PILRA: variants seen among roughly 807,000 people sequenced by gnomAD.
PILRA encodes paired immunoglobin like type 2 receptor alpha.
In PILRA, 37 loss-of-function variants were observed where a neutral mutation model predicts 33.1. The observed-to-expected ratio is 1.12, with a 90% confidence interval of 0.86 to 1.47. PILRA has a LOEUF of 1.47. Ranked by LOEUF, PILRA falls within the 40% of genes most tolerant of loss-of-function variation. The pLI, the probability that PILRA is intolerant of heterozygous loss-of-function variation, is 0.00. For missense variants in PILRA, 312 were observed against 376.2 expected, an observed-to-expected ratio of 0.83 and a Z score of 1.41; for synonymous variants, 146 against 149.9, an observed-to-expected ratio of 0.97 and a Z score of 0.19.
chr7:100,399,646 AGAGAAGCCTG>A (rs1394436025), intron 6 of PILRA, 34 bp downstream of exon 6: 2 of 1,613,908 alleles, frequency 1.2e-6, no homozygotes, highest in Middle Eastern at 1.7e-4. Flanking sequence ...AAGGAATTAA[AGAGAAGCCTG>A]GAGAAGGTGG....
At chr7:100,374,860 C>T (rs970225428) in intron 2 of PILRA, 1 of 249,568 alleles carries the variant, frequency 4.0e-6, no homozygotes, top group South Asian at 4.5e-5. Flanking sequence ...AGGGTGGGCC[C>T]CATACCTTGC....
chr7:100,374,367 G>T lies in PILRA; in HGVS notation c.388G>T (p.Asp130Tyr), dbSNP rs1790896649. Residue 130 changes from aspartate to tyrosine, a missense_variant, in exon 2 of 7, where the codon GAC (aspartate) becomes TAC (tyrosine). Physicochemically the swap from Asp to Tyr is radical, Grantham distance 160. Coordinates refer to ENST00000198536, the MANE Select transcript of PILRA (RefSeq NM_013439.3). ...TGTGTATTTCTGCCGAGTTGAGCTG[G>T]ACACACGGAGCTCAGGGAGGCAGCA... ...QSVYFCRVEL[D>Y]TRSSGRQQWQ... 6.2e-7 allele frequency: 1 copy of T among 1,613,938 alleles called. No homozygotes were observed. The highest frequency in any genetic ancestry group is 1.3e-5 in the African/African-American group (1 of 74,872).
rs561083704 is a variant in PILRA, at chr7:100,374,174, C to G, written c.195C>G (p.Pro65=). The G allele has an allele frequency of 1.9e-6, 3 of 1,613,998 alleles. No homozygotes were observed. The East Asian group carries it at 6.7e-5, about 36-fold the overall frequency. ...ACCCCTGGGAGTTAGCCACAGCTCC[C>G]GACGTGAGAATATCCTGGAGACGGG... ...FYYPWELATA[P]DVRISWRRGH... The change falls in exon 2 of 7, where the codon CCC becomes CCG. Residue 65 remains proline, a synonymous_variant. Coordinates refer to ENST00000198536, the MANE Select transcript of PILRA (RefSeq NM_013439.3).
chr7:100,381,469 A>T (rs1791091922), intron 2 of PILRA, among the ~76,000 whole-genome samples: 1 of 150,834 alleles, frequency 6.6e-6, no homozygotes, highest in South Asian at 2.1e-4. Context: ...AAAAAAAATT[A>T]AAAAAACCCA....
chr7:100,382,010 C>CA (rs1419333210), intron 2 of PILRA, among the ~76,000 whole-genome samples: 1 of 146,770 alleles, frequency 6.8e-6, no homozygotes, highest in Non-Finnish European at 1.5e-5. Context: ...CACCCCCACC[C>CA]CCACCCCACC....
intron 2 of PILRA, among the ~76,000 whole-genome samples, chr7:100,389,672 GGAAAA>G (rs942377334): frequency 6.6e-6 from 1 of 151,164 alleles, no homozygotes; most frequent in Non-Finnish European, 1.5e-5. Context: ...GGAAAGGAAA[GGAAAA>G]GAAGGAAAGG....
At chr7:100,382,276 T>A (rs1274317377) in intron 2 of PILRA, among the ~76,000 whole-genome samples, 4 of 152,176 alleles carry the variant, frequency 2.6e-5, no homozygotes, top group Non-Finnish European at 5.9e-5. Context: ...TGTATCTACG[T>A]CAAGGTTTGT....
intron 2 of PILRA, among the ~76,000 whole-genome samples, chr7:100,380,330 T>C (rs1203956649): frequency 6.6e-6 from 1 of 152,176 alleles, no homozygotes; most frequent in Non-Finnish European, 1.5e-5. Context: ...AAGAGGAACC[T>C]GGAAGAAACC....
intron 2 of PILRA, among the ~76,000 whole-genome samples, chr7:100,383,031 AAAGAG>A (rs937300744): frequency 6.6e-6 from 1 of 152,206 alleles, no homozygotes; most frequent in African/African-American, 2.4e-5. Flanking sequence ...GTGATGGTGA[AAAGAG>A]AAAAGAGTAG....
At position 100,374,398 on chromosome 7, in the gene PILRA, A is replaced by G; in HGVS notation, c.419A>G (p.Gln140Arg). Residue 140 changes from glutamine to arginine, a missense_variant, in exon 2 of 7, where the codon CAG becomes CGG. Coordinates refer to ENST00000198536, the MANE Select transcript of PILRA (RefSeq NM_013439.3). ...CGGAGCTCAGGGAGGCAGCAGTGGC[A>G]GTCCATCGAGGGGACCAAACTCTCC... ...DTRSSGRQQW[Q>R]SIEGTKLSIT... The G allele has an allele frequency of 6.2e-7, 1 of 1,614,086 alleles. No individual in the cohort carries two copies. Among genetic ancestry groups the G allele is most frequent in the Non-Finnish European group, 8.5e-7 (1 of 1,180,002 alleles).
chr7:100,395,052 T>C (rs1383271345), intron 3 of PILRA, among the ~76,000 whole-genome samples: 1 of 152,180 alleles, frequency 6.6e-6, no homozygotes, highest in Non-Finnish European at 1.5e-5. Context: ...GGGAAAATAT[T>C]TGTAAATTAT....
At chr7:100,371,870 C>T (rs1358345635), upstream of PILRA, among the ~76,000 whole-genome samples, 1 of 152,202 alleles carries the variant, frequency 6.6e-6, no homozygotes, top group Non-Finnish European at 1.5e-5. Context: ...CATGGGGGTT[C>T]AGCTGGATCC....
chr7:100,381,288 A>T (rs1373844029), intron 2 of PILRA, among the ~76,000 whole-genome samples: 2 of 151,936 alleles, frequency 1.3e-5, no homozygotes, highest in Non-Finnish European at 2.9e-5. Context: ...ACAAACAAAC[A>T]AAAAACAACT....
At chr7:100,382,624 T>C (rs1484502762) in intron 2 of PILRA, among the ~76,000 whole-genome samples, 2 of 152,142 alleles carry the variant, frequency 1.3e-5, no homozygotes, top group East Asian at 3.9e-4. Context: ...AGGATGTGGG[T>C]GGTGCCAGGT....
At chr7:100,378,819 G>A (rs1043951783) in intron 2 of PILRA, among the ~76,000 whole-genome samples, 3 of 152,152 alleles carry the variant, frequency 2.0e-5, no homozygotes, top group Non-Finnish European at 2.9e-5. Flanking sequence ...GCAGCCAGGC[G>A]TGGTGGCTCA....
In PILRA at chr7:100,374,294, G is replaced by T; in HGVS notation, c.315G>T (p.Gln105His). The T allele has an allele frequency of 6.2e-7, 1 of 1,614,160 alleles. No homozygotes were observed. Among genetic ancestry groups the T allele is most frequent in the Non-Finnish European group, 8.5e-7 (1 of 1,180,022 alleles). The change falls in exon 2 of 7, where the codon CAG (glutamine) becomes CAT (histidine). Residue 105 changes from glutamine to histidine, a missense_variant. Gln to His is a conservative substitution (Grantham distance 24). Transcript: ENST00000198536. ...NRLFLNWTEG[Q>H]KSGFLRISNL... ...TCTTTCTGAACTGGACAGAGGGTCA[G>T]AAGAGCGGCTTCCTCAGGATCTCCA...
intron 2 of PILRA, chr7:100,374,672 G>GC (rs1790906666): frequency 2.0e-6 from 1 of 493,424 alleles, no homozygotes; most frequent in Admixed American, 3.9e-5. Context: ...ATCCAGCCCC[G>GC]CCCCCACTCC....
At chr7:100,382,234 C>G (rs1427668802) in intron 2 of PILRA, among the ~76,000 whole-genome samples, 1 of 152,186 alleles carries the variant, frequency 6.6e-6, no homozygotes. Context: ...TTATGTCTAG[C>G]TAAGAGATTG....
At chr7:100,381,851 AC>A (rs1320386047) in intron 2 of PILRA, among the ~76,000 whole-genome samples, 1 of 152,110 alleles carries the variant, frequency 6.6e-6, no homozygotes, top group Non-Finnish European at 1.5e-5. Flanking sequence ...GCAGTGAGGG[AC>A]TTAGCACCTG....
Sources: allele counts gnomAD v4.1 joint callset (sites outside exome capture counted in the v4.1 genomes callset), GRCh38; gene constraint gnomAD v4.1.1; transcripts MANE v1.5; gene names NCBI Gene and HGNC (gene_info 2026-07-23, HGNC 2026-07-21).